MACO1: variants seen among roughly 807,000 people sequenced by gnomAD.
The protein encoded by MACO1 is macoilin 1.
Under a neutral mutation model 78.7 loss-of-function variants are expected in MACO1, and 14 were observed. That is an observed-to-expected ratio of 0.18 (90% CI 0.12 to 0.28). The LOEUF (loss-of-function observed/expected upper bound fraction) is 0.28, where lower values mean the gene tolerates loss of function less well. MACO1 is among the 10% of genes least tolerant of loss of function. MACO1 has a pLI of 1.00. For synonymous variants in MACO1, 288 were observed against 291.6 expected (o/e 0.99, Z 0.12); for missense variants, 501 against 799.0 (o/e 0.63, Z 4.50).
chr1:25,486,325 A>T (rs781308789), intron 8 of MACO1, among the ~76,000 whole-genome samples: 8 of 152,194 alleles, frequency 5.3e-5, no homozygotes, highest in Non-Finnish European at 1.0e-4. Flanking sequence ...TACTAGATGG[A>T]ATTACATTTA....
Position 25,458,701 on chromosome 1 carries a change from T to C in MACO1, c.963T>C (p.Asn321=), listed in dbSNP as rs1395778187. 7.4e-6 allele frequency: 12 copies of C among 1,613,918 alleles called. No individual in the cohort carries two copies. Among genetic ancestry groups the C allele is most frequent in the African/African-American group, 1.3e-5 (1 of 74,888 alleles). Residue 321 remains asparagine, a synonymous_variant, in exon 6 of 11, where the codon AAT becomes AAC. Transcript: ENST00000374343. ...KEDSCTASSK[N]YKNASGVVNS... is the part of the protein sequence containing the mutation. ...ACTCATGCACTGCTTCCTCAAAAAA[T>C]TACAAAAATGCCAGTGGAGTTGTGA... is the stretch of plus-strand genomic sequence containing the variant.
At chr1:25,445,438 T>G (rs1424190898) in intron 1 of MACO1, among the ~76,000 whole-genome samples, 1 of 152,316 alleles carries the variant, frequency 6.6e-6, no homozygotes, top group East Asian at 1.9e-4. Context: ...TGACAAATTA[T>G]GTATCACTGT....
intron 6 of MACO1, among the ~76,000 whole-genome samples, chr1:25,468,508 A>G (rs1422171371): frequency 1.3e-5 from 2 of 152,176 alleles, no homozygotes; most frequent in Non-Finnish European, 2.9e-5. Context: ...GCTCCTAGAA[A>G]TTTTGAAGCC....
At chr1:25,466,095 T>A (rs1212947138) in intron 6 of MACO1, among the ~76,000 whole-genome samples, 1 of 152,216 alleles carries the variant, frequency 6.6e-6, no homozygotes, top group Non-Finnish European at 1.5e-5. Flanking sequence ...ATATTTTTGA[T>A]ACATTGATTT....
chr1:25,437,006 A>C (rs1178848338), intron 1 of MACO1, among the ~76,000 whole-genome samples: 1 of 152,200 alleles, frequency 6.6e-6, no homozygotes, highest in Non-Finnish European at 1.5e-5. Context: ...CTCCACTTTC[A>C]TATATCTGTT....
chr1:25,456,042 G>A (rs1019540918), intron 4 of MACO1, among the ~76,000 whole-genome samples: 24 of 152,006 alleles, frequency 1.6e-4, no homozygotes, highest in South Asian at 2.1e-4. Flanking sequence ...AGTGGATCAC[G>A]AGGTCGAGAG....
intron 1 of MACO1, among the ~76,000 whole-genome samples, chr1:25,444,956 T>C (rs1320714551): frequency 6.6e-6 from 1 of 151,928 alleles, no homozygotes; most frequent in East Asian, 1.9e-4. Context: ...GAGGGCTCTA[T>C]CTTCATCTGG....
At chr1:25,489,062 C>T (rs575434039) in intron 8 of MACO1, 111 bp from the exon 9 acceptor site, 1 of 1,336,432 alleles carries the variant, frequency 7.5e-7, no homozygotes, top group South Asian at 1.5e-5. Context: ...CTCAAATAAT[C>T]TGCCTGCCTC....
At position 25,488,786 on chromosome 1, in the gene MACO1, A is replaced by G. The variant is rs143975722; in HGVS notation, c.1497-387A>G. Among the ~76,000 whole-genome samples, 14 of 151,774 alleles carry G rather than the reference A, an allele frequency of 9.2e-5. No individual in the cohort carries two copies. In the East Asian group the frequency reaches 2.5e-3, roughly 28 times the overall value. On this transcript the variant is annotated intron_variant, in intron 8 of 10. Coordinates refer to ENST00000374343, the MANE Select transcript of MACO1 (RefSeq NM_018202.6). Reference sequence around the variant, plus strand: ...AGGCGTGAGCCACTGCACTCGGCCAACCTATAGTCTTTTTTAAAATTTTAT... The same window carrying G: ...AGGCGTGAGCCACTGCACTCGGCCAGCCTATAGTCTTTTTTAAAATTTTAT...
At chr1:25,443,060 A>G (rs1301014296) in intron 1 of MACO1, among the ~76,000 whole-genome samples, 41 of 152,242 alleles carry the variant, frequency 2.7e-4, no homozygotes, top group Non-Finnish European at 2.9e-5. Flanking sequence ...TTAGAATGCC[A>G]TGATGGCTTA....
At position 25,498,828 on chromosome 1, in the gene MACO1, T is replaced by C. The variant is rs2043560783; in HGVS notation, c.*362T>C. 5.4e-6 allele frequency: 1 copy of C among 185,634 alleles called. No individual in the cohort carries two copies. The allele number at this position is 185,634 out of a possible 1,614,324, so 11.5% of individuals were successfully genotyped here. ...TCAACCCTTTATGTTTGTTTTGTTT[T>C]ATTCTTAAATAAGCAAGCAAAACCT... On this transcript the variant is annotated 3_prime_UTR_variant, in exon 11 of 11. Transcript: ENST00000374343.
At chr1:25,451,762 C>G (rs1013732367) in intron 3 of MACO1, among the ~76,000 whole-genome samples, 6 of 151,702 alleles carry the variant, frequency 4.0e-5, no homozygotes, top group Admixed American at 2.6e-4. Context: ...AAAAATTAGC[C>G]AGGCATGGTG....
At chr1:25,438,981 C>T (rs1298288491) in intron 1 of MACO1, among the ~76,000 whole-genome samples, 1 of 151,662 alleles carries the variant, frequency 6.6e-6, no homozygotes, top group Non-Finnish European at 1.5e-5. Context: ...GAAAGAAACA[C>T]ATTTGTTTAT....
chr1:25,454,202 CATCT>C (rs1404915169), intron 3 of MACO1, 53 bp from the exon 4 acceptor site: 18 of 1,433,426 alleles, frequency 1.3e-5, no homozygotes, highest in Non-Finnish European at 1.6e-5. Context: ...CCAAACAATC[CATCT>C]GTTAGTTACT....
intron 1 of MACO1, among the ~76,000 whole-genome samples, chr1:25,435,904 C>A (rs1306767347): frequency 6.6e-6 from 1 of 152,168 alleles, no homozygotes; most frequent in Admixed American, 6.5e-5. Flanking sequence ...CACTTTCCTC[C>A]AACTTTCATT....
At chr1:25,444,764 T>G (rs1310096786) in intron 1 of MACO1, among the ~76,000 whole-genome samples, 1 of 151,748 alleles carries the variant, frequency 6.6e-6, no homozygotes, top group African/African-American at 2.4e-5. Context: ...TTTTTAAATT[T>G]TTTGTACAGA....
At chr1:25,477,847 G>A (rs2043335700) in intron 6 of MACO1, among the ~76,000 whole-genome samples, 1 of 152,094 alleles carries the variant, frequency 6.6e-6, no homozygotes, top group African/African-American at 2.4e-5. Flanking sequence ...CTGTAATTCA[G>A]GTAATTCACA....
At chr1:25,477,366 TA>T (rs200179623) in intron 6 of MACO1, among the ~76,000 whole-genome samples, 11,121 of 152,286 alleles carry the variant, frequency 0.073, 1,324 homozygotes, top group African/African-American at 0.25. Context: ...AAGGGTTTGT[TA>T]GAAAACCTAC....
rs192555890 is a variant in MACO1 at position 25,497,241 on chromosome 1, G to A, written c.1793-1023G>A. Among the ~76,000 whole-genome samples, 355 of 152,162 alleles carry A rather than the reference G, an allele frequency of 2.3e-3. 4 individuals carry two copies. Among genetic ancestry groups the A allele is most frequent in the Admixed American group, 0.021 (320 of 15,288 alleles). On this transcript the variant is annotated intron_variant, in intron 10 of 10. Transcript: ENST00000374343. The stretch of plus-strand genomic sequence containing the variant: ...ACTAAAAATACAAAATTAGCCAGGC[G>A]TGGTGGCACATGCTTGTAATCCCAG...
Sources: allele counts gnomAD v4.1 joint callset (sites outside exome capture counted in the v4.1 genomes callset), GRCh38; gene constraint gnomAD v4.1.1; transcripts MANE v1.5; gene names NCBI Gene and HGNC (gene_info 2026-07-23, HGNC 2026-07-21).